The following ABCB5 variants were observed in gnomAD, a reference collection of about 807,000 sequenced individuals.
The protein encoded by ABCB5 is ATP-binding cassette sub-family B member 5.
Under a neutral mutation model 144.2 loss-of-function variants are expected in ABCB5, and 155 were observed. The ratio of observed to expected loss-of-function variants is 1.08; its 90% CI spans 0.94 to 1.23. The LOEUF (loss-of-function observed/expected upper bound fraction) is 1.23. ABCB5 is among the 50% of genes most tolerant of loss of function. The probability of loss-of-function intolerance (pLI) is 0.00; values close to 1 mark genes in which losing one functional copy is unlikely to be tolerated. For synonymous variants in ABCB5, 610 were observed against 528.6 expected (o/e 1.15, Z -2.11); for missense variants, 1,830 against 1,520.8 (o/e 1.20, Z -3.38).
chr7:20,637,580 C>G (rs757296224), intron 5 of ABCB5, among the ~76,000 whole-genome samples: 3 of 152,030 alleles, frequency 2.0e-5, no homozygotes, highest in Admixed American at 6.6e-5. Flanking sequence ...GCCTCCATGC[C>G]TGGCTAATTT....
At position 20,755,830 on chromosome 7, in the gene ABCB5, A is replaced by G. The variant is rs1783072774; in HGVS notation, c.*206A>G. ...AATTTGCTTATTTCATGTAAGTGAA[A>G]TAATGCTTATATCCTTCACTTTATA... On this transcript the variant is annotated 3_prime_UTR_variant, in exon 28 of 28. Coordinates refer to ENST00000404938, the MANE Select transcript of ABCB5 (RefSeq NM_001163941.2). The G allele has an allele frequency of 1.8e-6, 1 of 554,312 alleles. No individual in the cohort carries two copies. The allele number at this position is 554,312 out of a possible 1,614,324, so 34.3% of individuals were successfully genotyped here. A position where few individuals can be genotyped will look rare whatever the true frequency, so the allele number is the denominator to read the frequency against.
intron 16 of ABCB5, among the ~76,000 whole-genome samples, chr7:20,689,338 G>A (rs569423627): frequency 6.6e-6 from 1 of 152,124 alleles, no homozygotes; most frequent in Non-Finnish European, 1.5e-5. Flanking sequence ...CTTGCTGGTG[G>A]GGCTTGCTGG....
At chr7:20,617,011 G>C (rs761545287) in intron 1 of ABCB5, among the ~76,000 whole-genome samples, 3 of 151,976 alleles carry the variant, frequency 2.0e-5, no homozygotes, top group Non-Finnish European at 2.9e-5. Flanking sequence ...TTCTACAAGG[G>C]GCTTTCTCTG....
intron 5 of ABCB5, among the ~76,000 whole-genome samples, chr7:20,640,426 A>G (rs77923898): frequency 0.056 from 8,583 of 152,166 alleles, 341 homozygotes; most frequent in South Asian, 0.14. Context: ...CAACAGCACT[A>G]TATCTCACTC....
At chr7:20,725,584 A>G (rs1353087104) in intron 21 of ABCB5, among the ~76,000 whole-genome samples, 1 of 152,218 alleles carries the variant, frequency 6.6e-6, no homozygotes, top group Non-Finnish European at 1.5e-5. Flanking sequence ...ATCTCAAAAG[A>G]AAACAAAAAA....
At chr7:20,644,236 G>A (rs1252785989) in intron 7 of ABCB5, among the ~76,000 whole-genome samples, 2 of 151,840 alleles carry the variant, frequency 1.3e-5, no homozygotes, top group East Asian at 1.9e-4. Flanking sequence ...AGGCAACCAC[G>A]CCCAGCTAAC....
At chr7:20,637,127 T>A (rs563318888) in intron 5 of ABCB5, among the ~76,000 whole-genome samples, 1 of 152,174 alleles carries the variant, frequency 6.6e-6, no homozygotes, top group African/African-American at 2.4e-5. Context: ...AATGAACATA[T>A]TTTGGGGACA....
intron 14 of ABCB5, chr7:20,659,088 G>C (rs1275711143): frequency 3.1e-6 from 5 of 1,613,920 alleles, no homozygotes; most frequent in East Asian, 4.5e-5. Flanking sequence ...TATTCATTTT[G>C]ACCTAATTTC....
intron 14 of ABCB5, among the ~76,000 whole-genome samples, chr7:20,679,393 C>G (rs1785714784): frequency 6.9e-6 from 1 of 144,924 alleles, no homozygotes; most frequent in Non-Finnish European, 1.5e-5. Context: ...ATTGCTTGAA[C>G]CTGGGAGGCA....
At chr7:20,660,467 G>A (rs1055448847) in intron 14 of ABCB5, 1 of 911,260 alleles carries the variant, frequency 1.1e-6, no homozygotes, top group African/African-American at 1.8e-5. Flanking sequence ...AAGTAGCACA[G>A]TAAACTAGAT....
At chr7:20,748,896 C>A (rs1562592554) in intron 26 of ABCB5, among the ~76,000 whole-genome samples, 2 of 152,106 alleles carry the variant, frequency 1.3e-5, no homozygotes, top group Admixed American at 6.5e-5. Flanking sequence ...CATTTTAATT[C>A]TCTCCAAGAA....
intron 5 of ABCB5, among the ~76,000 whole-genome samples, chr7:20,634,489 G>T (rs1784109735): frequency 1.3e-5 from 2 of 151,956 alleles, no homozygotes; most frequent in Non-Finnish European, 2.9e-5. Flanking sequence ...TTTCCATGGA[G>T]GCTGTACTAA....
intron 14 of ABCB5, among the ~76,000 whole-genome samples, chr7:20,675,959 A>G (rs1483732116): frequency 2.0e-5 from 3 of 152,142 alleles, no homozygotes; most frequent in African/African-American, 7.2e-5. Context: ...GTAAGTCAAT[A>G]CCACAATGAG....
At chr7:20,659,014 T>G (rs1784908281) in intron 14 of ABCB5, 2 of 1,592,136 alleles carry the variant, frequency 1.3e-6, no homozygotes, top group South Asian at 1.1e-5. Context: ...ACCCTTTGCT[T>G]CTTCTACATA....
Position 20,632,082 on chromosome 7 carries a change from T to A in ABCB5, c.283T>A (p.Ser95Thr). The A allele has an allele frequency of 6.5e-7, 1 of 1,526,858 alleles. No homozygotes were observed. Among genetic ancestry groups the A allele is most frequent in the Non-Finnish European group, 8.8e-7 (1 of 1,135,882 alleles). 94.6% of individuals were successfully genotyped at this position (1,526,858 alleles called of 1,614,324 possible). The change falls in exon 5 of 28, where the codon TCT becomes ACT. Residue 95 changes from serine to threonine, a missense_variant. Transcript: ENST00000404938. ...AGCAAATTATCAGAACTGTACTCAGTCTCAAGAGAAGCTGAATGAAGATAT... is the reference window on the plus strand; with the variant it reads ...AGCAAATTATCAGAACTGTACTCAGACTCAAGAGAAGCTGAATGAAGATAT... ...NTTNYQNCTQ[S>T]QEKLNEDMTL...
At chr7:20,681,032 T>C (rs13238326) in intron 14 of ABCB5, among the ~76,000 whole-genome samples, 913 of 27,636 alleles carry the variant, frequency 0.033, 42 homozygotes, top group African/African-American at 0.16. Flanking sequence ...CTTTCTTTCT[T>C]TCTCTTTCTT....
chr7:20,675,112 C>T (rs906612475), intron 14 of ABCB5, among the ~76,000 whole-genome samples: 1 of 151,808 alleles, frequency 6.6e-6, no homozygotes, highest in Admixed American at 6.6e-5. Flanking sequence ...ATCAAAATCC[C>T]AATGGCATAT....
chr7:20,740,966 T>G (rs990575200), intron 24 of ABCB5, among the ~76,000 whole-genome samples: 15 of 151,758 alleles, frequency 9.9e-5, no homozygotes, highest in Admixed American at 2.0e-4. Context: ...AATTAGGGTG[T>G]GGGGGCAATG....
intron 16 of ABCB5, among the ~76,000 whole-genome samples, chr7:20,686,276 G>T (rs1785996500): frequency 6.6e-6 from 1 of 152,126 alleles, no homozygotes; most frequent in Admixed American, 6.5e-5. Flanking sequence ...GAGAAGCCTT[G>T]CTCACTTGGA....
Sources: allele counts gnomAD v4.1 joint callset (sites outside exome capture counted in the v4.1 genomes callset), GRCh38; gene constraint gnomAD v4.1.1; transcripts MANE v1.5; gene names NCBI Gene and HGNC (gene_info 2026-07-23, HGNC 2026-07-21).